SEC61A1: variants seen among roughly 807,000 people sequenced by gnomAD.
SEC61A1 encodes SEC61 translocon subunit alpha 1, also known as protein transport protein Sec61 subunit alpha isoform 1.
Under a neutral mutation model 55.2 loss-of-function variants are expected in SEC61A1, and 15 were observed. The observed-to-expected ratio is 0.27, with a 90% CI of 0.18 to 0.42. The LOEUF is 0.42. Ranked by LOEUF, SEC61A1 falls within the 10% of genes least tolerant of loss-of-function variation. The probability of loss-of-function intolerance (pLI) is 1.00; values close to 1 mark genes in which losing one functional copy is unlikely to be tolerated. For synonymous variants in SEC61A1, 247 were observed against 234.0 expected (o/e 1.06, Z -0.51); for missense variants, 284 against 602.6 (o/e 0.47, Z 5.53).
intron 1 of SEC61A1, 81 bp from the exon 2 acceptor site, chr3:128,052,754 T>C: frequency 6.6e-7 from 1 of 1,514,304 alleles, no homozygotes; most frequent in South Asian, 1.1e-5. Flanking sequence ...TCACTCGTCG[T>C]GGGCAGAAGG....
chr3:128,067,685 C>T lies in SEC61A1; in HGVS notation c.1167+73C>T, dbSNP rs1265256380. On this transcript the variant is annotated intron_variant, in intron 10 of 11. Transcript: ENST00000243253. This position sits in a 1 kb window ranked among gnomAD's most constrained non-coding sequence, Gnocchi z 4.1. The stretch of plus-strand genomic sequence containing the variant: ...TATAAGGGGTGTGGACTTGTCACCT[C>T]ATCATAAATAATGGTCTGTGACGTG... The T allele has an allele frequency of 2.5e-6, 3 of 1,201,840 alleles. No homozygotes were observed. Among genetic ancestry groups the T allele is most frequent in the Non-Finnish European group, 3.6e-6 (3 of 841,494 alleles). 74.4% of individuals were successfully genotyped at this position (1,201,840 alleles called of 1,614,324 possible).
chr3:128,056,649 A>G (rs2107642150), intron 4 of SEC61A1, 60 bp from the exon 5 acceptor site: 4 of 1,381,168 alleles, frequency 2.9e-6, no homozygotes, highest in Non-Finnish European at 3.8e-6. Flanking sequence ...ATTCATTTTT[A>G]AAATAACGTA....
At chr3:128,061,492 T>C (rs1358343803) in intron 7 of SEC61A1, among the ~76,000 whole-genome samples, 1 of 152,242 alleles carries the variant, frequency 6.6e-6, no homozygotes, top group Non-Finnish European at 1.5e-5. Flanking sequence ...TTTGAGAGTT[T>C]TCTTTTAATT....
rs1175426245 is a variant in SEC61A1 at position 128,069,471 on chromosome 3, C to G, written c.1245-5C>G. 2 of 1,609,128 alleles carry G rather than the reference C, an allele frequency of 1.2e-6. No individual in the cohort carries two copies. Among genetic ancestry groups the G allele is most frequent in the African/African-American group, 2.7e-5 (2 of 74,912 alleles). On this transcript the variant is annotated splice_polypyrimidine_tract_variant and splice_region_variant and intron_variant, in intron 11 of 11. Transcript: ENST00000243253. Reference sequence around the variant, plus strand: ...TCCAGGAGCTGACTGTGTCCCCTCCCCCAGGTACATCCCCACAGCCGCGGC... The same window carrying G: ...TCCAGGAGCTGACTGTGTCCCCTCCGCCAGGTACATCCCCACAGCCGCGGC...
chr3:128,052,279 C>T (rs1158616661), upstream of SEC61A1: 1 of 262,638 alleles, frequency 3.8e-6, no homozygotes, highest in African/African-American at 2.3e-5. Flanking sequence ...GCCCCAGGAG[C>T]CCCGCTGCAT....
At position 128,070,051 on chromosome 3, in the gene SEC61A1, C is replaced by G. The variant is rs1402466218; in HGVS notation, c.*389C>G. The G allele has an allele frequency of 6.0e-6, 1 of 166,616 alleles. No individual in the cohort carries two copies. Among genetic ancestry groups the G allele is most frequent in the Non-Finnish European group, 1.3e-5 (1 of 77,082 alleles). The allele number at this position is 166,616 out of a possible 1,614,324, so 10.3% of individuals were successfully genotyped here. A position where few individuals can be genotyped will look rare whatever the true frequency, so the allele number is the denominator to read the frequency against. ...GTTGGAAGCACAAACACTGAAATGT[C>G]TACGTTTCATTTTGGCAGTAGGGTG... On this transcript the variant is annotated 3_prime_UTR_variant, in exon 12 of 12. Transcript: ENST00000243253.
At chr3:128,069,341 A>T in intron 11 of SEC61A1, 135 bp from the exon 12 acceptor site, 1 of 811,492 alleles carries the variant, frequency 1.2e-6, no homozygotes, top group Non-Finnish European at 2.0e-6. Flanking sequence ...CTAGCATGTT[A>T]GTAGATGACT....
At chr3:128,058,201 ATT>A (rs57508280) in intron 5 of SEC61A1, among the ~76,000 whole-genome samples, 402 of 79,324 alleles carry the variant, frequency 5.1e-3, no homozygotes, top group African/African-American at 0.018. Context: ...AAATACGTCT[ATT>A]TTTTTTTTTT....
chr3:128,052,708 C>A, intron 1 of SEC61A1, 127 bp from the exon 2 acceptor site: 2 of 1,497,356 alleles, frequency 1.3e-6, no homozygotes, highest in Non-Finnish European at 1.8e-6. Flanking sequence ...TATCCCCACG[C>A]GTCCGGGGTG....
intron 7 of SEC61A1, among the ~76,000 whole-genome samples, chr3:128,061,893 G>A (rs964443684): frequency 1.3e-5 from 2 of 152,228 alleles, no homozygotes; most frequent in African/African-American, 4.8e-5. Context: ...CAGCCCAGTA[G>A]TAGCCGCCAG....
intron 8 of SEC61A1, among the ~76,000 whole-genome samples, chr3:128,066,369 T>C (rs938842434): frequency 6.6e-6 from 1 of 151,986 alleles, no homozygotes; most frequent in African/African-American, 2.4e-5. Context: ...TGATAGGCTC[T>C]GTCTTTTGGA....
At position 128,069,726 on chromosome 3, in the gene SEC61A1, A is replaced by G. The variant is rs1201571960; in HGVS notation, c.*64A>G. ...GCGCCTCGGAAGGGGAGCTCTCATC[A>G]TGGCGCGTGCTGCTGCGGCATATGG... On this transcript the variant is annotated 3_prime_UTR_variant, in exon 12 of 12. Coordinates refer to ENST00000243253, the MANE Select transcript of SEC61A1 (RefSeq NM_013336.4). The G allele has an allele frequency of 7.2e-7, 1 of 1,397,996 alleles. No homozygotes were observed. The highest frequency in any genetic ancestry group is 1.0e-6 in the Non-Finnish European group (1 of 993,104). The allele number at this position is 1,397,996 out of a possible 1,614,324, so 86.6% of individuals were successfully genotyped here.
rs138437267 is a variant in SEC61A1, at chr3:128,067,127, G to T, written c.951G>T (p.Leu317=). The change falls in exon 9 of 12, where the codon CTG becomes CTT. Residue 317 remains leucine, a synonymous_variant. Coordinates refer to ENST00000243253, the MANE Select transcript of SEC61A1 (RefSeq NM_013336.4). This position sits in a 1 kb window ranked among gnomAD's most constrained non-coding sequence, Gnocchi z 4.1. ...MLSARFSGNL[L]VSLLGTWSDT... ...CAGCTCGCTTCAGTGGCAACTTGCT[G>T]GTCAGCCTGCTGGGCACCTGGTCGG... The T allele has an allele frequency of 6.2e-7, 1 of 1,614,216 alleles. No homozygotes were observed. The highest frequency in any genetic ancestry group is 1.3e-5 in the African/African-American group (1 of 75,048).
intron 7 of SEC61A1, among the ~76,000 whole-genome samples, chr3:128,064,128 A>G (rs1941895139): frequency 6.6e-6 from 1 of 152,190 alleles, no homozygotes; most frequent in Non-Finnish European, 1.5e-5. Context: ...CTCACCAGCC[A>G]AGGGCAGCCT....
At chr3:128,057,165 C>G (rs545205260) in intron 5 of SEC61A1, among the ~76,000 whole-genome samples, 1 of 152,192 alleles carries the variant, frequency 6.6e-6, no homozygotes, top group African/African-American at 2.4e-5. Flanking sequence ...AACTCCTGAT[C>G]TTGTGATCCA....
At chr3:128,064,053 G>C (rs1470101899) in intron 7 of SEC61A1, among the ~76,000 whole-genome samples, 1 of 152,158 alleles carries the variant, frequency 6.6e-6, no homozygotes, top group East Asian at 1.9e-4. Context: ...ACCACATGGT[G>C]GACGCAAGCA....
In SEC61A1 at chr3:128,069,932, A is replaced by C; in HGVS notation, c.*270A>C. On this transcript the variant is annotated 3_prime_UTR_variant, in exon 12 of 12. Transcript: ENST00000243253. Reference sequence around the variant, plus strand: ...GGTATAGGATTGTCCCCAAGTGTCCATGTAACTTTTGTTTTAACCTTTGCA... The same window carrying C: ...GGTATAGGATTGTCCCCAAGTGTCCCTGTAACTTTTGTTTTAACCTTTGCA... 1 of 360,836 alleles carries C rather than the reference A, an allele frequency of 2.8e-6. No homozygotes were observed. The highest frequency in any genetic ancestry group is 5.2e-5 in the East Asian group (1 of 19,360). The allele number at this position is 360,836 out of a possible 1,614,324, so 22.4% of individuals were successfully genotyped here.
chr3:128,056,626 T>C, intron 4 of SEC61A1, 83 bp from the exon 5 acceptor site: 1 of 1,292,210 alleles, frequency 7.7e-7, no homozygotes, highest in African/African-American at 1.5e-5. Context: ...GGGTACCCAG[T>C]CAAATTTTGC....
upstream of SEC61A1, among the ~76,000 whole-genome samples, chr3:128,052,146 C>A (rs764256783): frequency 6.6e-6 from 1 of 152,090 alleles, no homozygotes; most frequent in Non-Finnish European, 1.5e-5. Flanking sequence ...CTCCGTGAGG[C>A]CGCACAGCCC....
Sources: gnomAD v4.1 joint callset for allele counts (sites outside exome capture counted in the v4.1 genomes callset) on GRCh38, gnomAD v4.1.1 for gene constraint, Gnocchi (gnomAD v3.1) non-coding constraint, MANE v1.5 for transcripts, NCBI Gene and HGNC (gene_info 2026-07-23, HGNC 2026-07-21) for gene names.